ADAMTSL3: variants seen among roughly 807,000 people sequenced by gnomAD.
ADAMTSL3 encodes ADAMTS like 3, also known as ADAMTS-like protein 3.
In ADAMTSL3, 128 loss-of-function variants were observed where a neutral mutation model predicts 201.7. That is an observed-to-expected ratio of 0.63 (90% CI 0.55 to 0.73). The LOEUF (loss-of-function observed/expected upper bound fraction) is 0.73, where lower values mean the gene tolerates loss of function less well. ADAMTSL3 is among the 30% of genes least tolerant of loss of function. The probability of loss-of-function intolerance (pLI) is 0.00; values close to 1 mark genes in which losing one functional copy is unlikely to be tolerated. For synonymous variants in ADAMTSL3, 738 were observed against 748.4 expected (o/e 0.99, Z 0.23); for missense variants, 1,990 against 2,119.6 (o/e 0.94, Z 1.20).
chr15:83,824,388 C>T (rs1434476463), intron 6 of ADAMTSL3, among the ~76,000 whole-genome samples: 1 of 152,054 alleles, frequency 6.6e-6, no homozygotes, highest in Non-Finnish European at 1.5e-5. Flanking sequence ...CCATAGGACC[C>T]CCCTGCTTCC....
At chr15:83,764,029 A>T (rs1405578312) in intron 3 of ADAMTSL3, among the ~76,000 whole-genome samples, 2 of 152,224 alleles carry the variant, frequency 1.3e-5, no homozygotes, top group African/African-American at 4.8e-5. Flanking sequence ...GGCATTTGCC[A>T]CAAATCATTT....
chr15:83,659,203 C>T (rs1233249951), intron 2 of ADAMTSL3, among the ~76,000 whole-genome samples: 4 of 152,314 alleles, frequency 2.6e-5, no homozygotes, highest in Admixed American at 2.6e-4. Flanking sequence ...TCATAGATAT[C>T]TACTGGAACA....
intron 19 of ADAMTSL3, among the ~76,000 whole-genome samples, chr15:83,967,516 C>G (rs2067112083): frequency 6.6e-6 from 1 of 152,150 alleles, no homozygotes; most frequent in Admixed American, 6.5e-5. Flanking sequence ...CAAACCACTG[C>G]TCAAGGAAAT....
At chr15:83,822,936 C>CAATCTT (rs1425139971) in intron 6 of ADAMTSL3, among the ~76,000 whole-genome samples, 3 of 152,100 alleles carry the variant, frequency 2.0e-5, no homozygotes, top group Non-Finnish European at 4.4e-5. Flanking sequence ...ACTCCGTCTG[C>CAATCTT]AATCCCGGCA....
chr15:83,759,408 G>A (rs1389726380), intron 3 of ADAMTSL3, among the ~76,000 whole-genome samples: 1 of 152,080 alleles, frequency 6.6e-6, no homozygotes, highest in Admixed American at 6.6e-5. Context: ...TGTATTTTTA[G>A]TAGAGACGGG....
chr15:83,939,510 T>C (rs2066517438), intron 17 of ADAMTSL3, among the ~76,000 whole-genome samples: 2 of 152,160 alleles, frequency 1.3e-5, no homozygotes, highest in African/African-American at 4.8e-5. Flanking sequence ...ATTGTACTTT[T>C]TTTATGCCAC....
chr15:83,718,475 G>A (rs551896262), intron 3 of ADAMTSL3, among the ~76,000 whole-genome samples: 1 of 152,020 alleles, frequency 6.6e-6, no homozygotes, highest in African/African-American at 2.4e-5. Flanking sequence ...ATGCTGAGGC[G>A]GGCAGATCAC....
At chr15:83,667,028 T>C (rs1368224225) in intron 2 of ADAMTSL3, among the ~76,000 whole-genome samples, 1 of 152,072 alleles carries the variant, frequency 6.6e-6, no homozygotes, top group Non-Finnish European at 1.5e-5. Flanking sequence ...GTTTATGTTT[T>C]GGATATACTG....
At chr15:83,817,676 T>C (rs574145258) in intron 5 of ADAMTSL3, among the ~76,000 whole-genome samples, 1 of 152,236 alleles carries the variant, frequency 6.6e-6, no homozygotes, top group South Asian at 2.1e-4. Flanking sequence ...TGCCAATGGA[T>C]AAAGGATATA....
At chr15:83,796,915 C>T (rs1167353391) in intron 4 of ADAMTSL3, among the ~76,000 whole-genome samples, 1 of 152,122 alleles carries the variant, frequency 6.6e-6, no homozygotes, top group African/African-American at 2.4e-5. Flanking sequence ...GTGCATTAAT[C>T]TCTACTTGTA....
chr15:84,035,151 T>C (rs574382946), intron 28 of ADAMTSL3, among the ~76,000 whole-genome samples: 1 of 152,334 alleles, frequency 6.6e-6, no homozygotes, highest in South Asian at 2.1e-4. Flanking sequence ...TCATTCTTTG[T>C]ATTTAGAAAG....
chr15:83,807,463 A>G (rs2063618522), intron 5 of ADAMTSL3, among the ~76,000 whole-genome samples: 1 of 152,218 alleles, frequency 6.6e-6, no homozygotes, highest in Admixed American at 6.5e-5. Context: ...CAATAAATAA[A>G]TAAATCAAAA....
chr15:83,986,956 G>A (rs1272561508), intron 21 of ADAMTSL3, among the ~76,000 whole-genome samples: 2 of 152,184 alleles, frequency 1.3e-5, no homozygotes, highest in Admixed American at 6.5e-5. Context: ...GGTACCCAGT[G>A]GCCCCACCTG....
At chr15:83,941,160 A>G (rs1043281691) in intron 17 of ADAMTSL3, among the ~76,000 whole-genome samples, 8 of 151,924 alleles carry the variant, frequency 5.3e-5, no homozygotes, top group African/African-American at 1.9e-4. Context: ...CCATACTTGT[A>G]TGATTATATC....
chr15:83,933,770 TGGTGCCCTGCATCC>T (rs2066407410), intron 17 of ADAMTSL3, among the ~76,000 whole-genome samples: 3 of 152,186 alleles, frequency 2.0e-5, no homozygotes, highest in Non-Finnish European at 2.9e-5. Flanking sequence ...TCTCAGGACT[TGGTGCCCTGCATCC>T]CAGGCATGGC....
At chr15:83,906,615 CCACACACCACACA>C (rs1389418661) in intron 15 of ADAMTSL3, among the ~76,000 whole-genome samples, 9,450 of 142,368 alleles carry the variant, frequency 0.066, 522 homozygotes, top group Admixed American at 0.13. Context: ...TTATATAGTG[CCACACACCACACA>C]CACACACACA....
chr15:83,794,910 C>T (rs749317200), intron 4 of ADAMTSL3, among the ~76,000 whole-genome samples: 8 of 151,992 alleles, frequency 5.3e-5, no homozygotes, highest in Non-Finnish European at 8.8e-5. Context: ...TTGAGTACAG[C>T]GGCACAATCT....
chr15:83,888,843 A>C (rs1214745869), intron 10 of ADAMTSL3, among the ~76,000 whole-genome samples: 1 of 152,204 alleles, frequency 6.6e-6, no homozygotes, highest in Non-Finnish European at 1.5e-5. Flanking sequence ...CATCCAAGCC[A>C]TGTCTTGTAG....
At chr15:83,868,773 T>C (rs1030747021) in intron 8 of ADAMTSL3, among the ~76,000 whole-genome samples, 3 of 152,172 alleles carry the variant, frequency 2.0e-5, no homozygotes, top group African/African-American at 7.2e-5. Flanking sequence ...AACTTGAAAA[T>C]TGTTTTTGCT....
Sources: gnomAD v4.1 joint callset for allele counts (sites outside exome capture counted in the v4.1 genomes callset) on GRCh38, gnomAD v4.1.1 for gene constraint, MANE v1.5 for transcripts, NCBI Gene and HGNC (gene_info 2026-07-23, HGNC 2026-07-21) for gene names.